Variants in TBPL1 observed in about 807,000 individuals in gnomAD.
TBPL1 encodes the protein TATA box-binding protein-like 1.
In TBPL1, 4 loss-of-function variants were observed where a neutral mutation model predicts 22.1. The ratio of observed to expected loss-of-function variants is 0.18; its 90% CI spans 0.09 to 0.41. The LOEUF is 0.41. Ranked by LOEUF, TBPL1 falls within the 10% of genes least tolerant of loss-of-function variation. The pLI is 1.00. For synonymous variants in TBPL1, 64 were observed against 71.0 expected (o/e 0.90, Z 0.50); for missense variants, 115 against 222.3 (o/e 0.52, Z 3.07).
At chr6:133,961,053 GTATAA>G (rs1776014199) in intron 1 of TBPL1, among the ~76,000 whole-genome samples, 1 of 152,158 alleles carries the variant, frequency 6.6e-6, no homozygotes, top group African/African-American at 2.4e-5. Flanking sequence ...GCACTAAGTA[GTATAA>G]TATACCAGAA....
intron 2 of TBPL1, among the ~76,000 whole-genome samples, chr6:133,980,889 T>C (rs974246574): frequency 3.5e-4 from 53 of 151,806 alleles, no homozygotes; most frequent in Non-Finnish European, 8.8e-5. Context: ...AAATTAAGAA[T>C]GTATCTCAAG....
At chr6:133,957,598 G>C (rs1775949033) in intron 1 of TBPL1, among the ~76,000 whole-genome samples, 1 of 152,226 alleles carries the variant, frequency 6.6e-6, no homozygotes, top group Non-Finnish European at 1.5e-5. Context: ...GTTTTGATCA[G>C]AATCAGTTAC....
intron 6 of TBPL1, 117 bp downstream of exon 6, chr6:133,984,788 G>C (rs900930270): frequency 6.0e-6 from 5 of 831,874 alleles, no homozygotes; most frequent in Non-Finnish European, 9.5e-6. Context: ...GCCCTTTAGA[G>C]GAACCAGTCT....
intron 1 of TBPL1, among the ~76,000 whole-genome samples, chr6:133,978,526 T>G (rs1344691185): frequency 6.6e-6 from 1 of 152,200 alleles, no homozygotes; most frequent in East Asian, 1.9e-4. Context: ...TATATATCTA[T>G]CCATCAGTTC....
rs1246772571 is a variant in TBPL1 at position 133,988,942 on chromosome 6, A to T, written c.*1902A>T. The T allele has an allele frequency of 1.3e-5, 2 of 152,212 alleles. No individual in the cohort carries two copies. Among genetic ancestry groups the T allele is most frequent in the African/African-American group, 4.8e-5 (2 of 41,456 alleles). 9.4% of individuals were successfully genotyped at this position (152,212 alleles called of 1,614,324 possible). On this transcript the variant is annotated 3_prime_UTR_variant, in exon 7 of 7. Coordinates refer to ENST00000237264, the MANE Select transcript of TBPL1 (RefSeq NM_004865.4). ...GAATAGGGGGAAAACATGCTTATAT[A>T]GCCAAGGTACAGATCCAGATGATGT...
intron 1 of TBPL1, among the ~76,000 whole-genome samples, chr6:133,975,496 C>G (rs1250365427): frequency 6.6e-6 from 1 of 152,062 alleles, no homozygotes; most frequent in Non-Finnish European, 1.5e-5. Context: ...CGTCTTCTAA[C>G]CTGTCTTCCT....
rs567869194 is a variant in TBPL1 at position 133,987,503 on chromosome 6, C to T, written c.*463C>T. The T allele has an allele frequency of 2.6e-5, 4 of 152,552 alleles. No individual in the cohort carries two copies. Among genetic ancestry groups the T allele is most frequent in the Admixed American group, 6.6e-5 (1 of 15,244 alleles). 9.4% of individuals were successfully genotyped at this position (152,552 alleles called of 1,614,324 possible). A position where few individuals can be genotyped will look rare whatever the true frequency, so the allele number is the denominator to read the frequency against. On this transcript the variant is annotated 3_prime_UTR_variant, in exon 7 of 7. Coordinates refer to ENST00000237264, the MANE Select transcript of TBPL1 (RefSeq NM_004865.4). ...AGTTTGGAAAAGATCTCTCTTCATTCTATAACTTTTATTCCCCATTTTCTA... is the reference window on the plus strand; with the variant it reads ...AGTTTGGAAAAGATCTCTCTTCATTTTATAACTTTTATTCCCCATTTTCTA...
At chr6:133,980,578 A>G (rs1217089368) in intron 2 of TBPL1, among the ~76,000 whole-genome samples, 1 of 151,896 alleles carries the variant, frequency 6.6e-6, no homozygotes, top group African/African-American at 2.4e-5. Context: ...ATTATATTTG[A>G]ATTATATTTG....
At chr6:133,970,872 C>G (rs146105684) in intron 1 of TBPL1, among the ~76,000 whole-genome samples, 45 of 152,204 alleles carry the variant, frequency 3.0e-4, no homozygotes, top group South Asian at 8.3e-4. Flanking sequence ...TTATGAGGTA[C>G]AGATTTGTTG....
intron 1 of TBPL1, among the ~76,000 whole-genome samples, chr6:133,967,372 C>T (rs1287050309): frequency 6.6e-6 from 1 of 152,108 alleles, no homozygotes; most frequent in African/African-American, 2.4e-5. Context: ...TATATTAGAG[C>T]TTCCATAAAT....
chr6:133,963,721 C>T (rs1163226756), intron 1 of TBPL1, among the ~76,000 whole-genome samples: 1 of 151,910 alleles, frequency 6.6e-6, no homozygotes, highest in Admixed American at 6.6e-5. Flanking sequence ...CAGGCCTGTC[C>T]TTGTCTTTTT....
chr6:133,977,486 A>C (rs2114371691), intron 1 of TBPL1, among the ~76,000 whole-genome samples: 1 of 152,282 alleles, frequency 6.6e-6, no homozygotes, highest in South Asian at 2.1e-4. Flanking sequence ...GGCAGAACTC[A>C]AAGTAGTAAA....
At chr6:133,955,066 G>A (rs755820913) in intron 1 of TBPL1, among the ~76,000 whole-genome samples, 16 of 151,982 alleles carry the variant, frequency 1.1e-4, no homozygotes, top group Non-Finnish European at 1.8e-4. Flanking sequence ...ATAGATTAAT[G>A]AATCAAAGAC....
intron 1 of TBPL1, among the ~76,000 whole-genome samples, chr6:133,963,757 G>A (rs1049071972): frequency 3.6e-4 from 54 of 151,820 alleles, no homozygotes; most frequent in African/African-American, 1.3e-3. Flanking sequence ...CCGGCCTGGC[G>A]CGGTGGCTCA....
At chr6:133,986,757 A>G (rs1486003563) in intron 6 of TBPL1, among the ~76,000 whole-genome samples, 2 of 152,166 alleles carry the variant, frequency 1.3e-5, no homozygotes, top group African/African-American at 4.8e-5. Flanking sequence ...TGTGTTTCAT[A>G]TGTCCTTTAA....
rs1216511561 is a variant in TBPL1, at chr6:133,987,753, G to C, written c.*713G>C. ...TTTCTTGCAGATTAGAAATAAAAAC[G>C]TGTATATAAACTCTAGGGAACCAGA... is the stretch of plus-strand genomic sequence containing the variant. On this transcript the variant is annotated 3_prime_UTR_variant, in exon 7 of 7. Transcript: ENST00000237264. 1.3e-5 allele frequency: 2 copies of C among 152,024 alleles called. No individual in the cohort carries two copies. Among genetic ancestry groups the C allele is most frequent in the African/African-American group, 4.9e-5 (2 of 41,234 alleles). The allele number at this position is 152,024 out of a possible 1,614,324, so 9.4% of individuals were successfully genotyped here.
chr6:133,976,717 C>T (rs142977447), intron 1 of TBPL1, among the ~76,000 whole-genome samples: 90 of 152,176 alleles, frequency 5.9e-4, no homozygotes, highest in African/African-American at 2.0e-3. Context: ...CGGCCTGGCG[C>T]GGTGGCCCAC....
chr6:133,972,214 C>CTA (rs1776235671), intron 1 of TBPL1, among the ~76,000 whole-genome samples: 4 of 152,176 alleles, frequency 2.6e-5, no homozygotes, highest in Non-Finnish European at 5.9e-5. Context: ...TAAAAAAAGT[C>CTA]TGTCTACATA....
chr6:133,952,558 C>T (rs1775851056), upstream of TBPL1: 1 of 152,382 alleles, frequency 6.6e-6, no homozygotes, highest in Admixed American at 6.5e-5. This position sits in a 1 kb window ranked among gnomAD's most constrained non-coding sequence, Gnocchi z 4.5. Context: ...CTCCCCACTT[C>T]CTTCCCTCCG....
Sources: gnomAD v4.1 joint callset for allele counts (sites outside exome capture counted in the v4.1 genomes callset) on GRCh38, gnomAD v4.1.1 for gene constraint, Gnocchi (gnomAD v3.1) non-coding constraint, MANE v1.5 for transcripts, NCBI Gene and HGNC (gene_info 2026-07-23, HGNC 2026-07-21) for gene names.